Variants in HIVEP3 observed in about 807,000 individuals in gnomAD.
The protein encoded by HIVEP3 is transcription factor HIVEP3.
A neutral mutation model predicts 152.8 loss-of-function variants in HIVEP3; 49 were observed. The ratio of observed to expected loss-of-function variants is 0.32; its 90% CI spans 0.26 to 0.41. The LOEUF (loss-of-function observed/expected upper bound fraction) is 0.41. Ranked by LOEUF, HIVEP3 falls within the 10% of genes least tolerant of loss-of-function variation. The probability of loss-of-function intolerance (pLI) is 1.00; values close to 1 mark genes in which losing one functional copy is unlikely to be tolerated. For synonymous variants in HIVEP3, 1,269 were observed against 1,289.0 expected, an observed-to-expected ratio of 0.98 and a Z score of 0.33; for missense variants, 2,790 against 3,103.3, an observed-to-expected ratio of 0.90 and a Z score of 2.40.
chr1:41,715,760 G>C (rs1646583098), intron 1 of HIVEP3, among the ~76,000 whole-genome samples: 1 of 152,198 alleles, frequency 6.6e-6, no homozygotes, highest in South Asian at 2.1e-4. Context: ...TAGGACTATG[G>C]TTGGGCCTCA....
At position 41,759,936 on chromosome 1, in the gene HIVEP3, T is replaced by A. The variant is rs138745691; in HGVS notation, c.-800-58941A>T. 7.1e-3 allele frequency among the ~76,000 whole-genome samples: 1,079 copies of A among 152,300 alleles called. 6 individuals are homozygous for A. The highest frequency in any genetic ancestry group is 0.023 in the African/African-American group (944 of 41,546). On this transcript the variant is annotated intron_variant, in intron 1 of 8. Transcript: ENST00000372583. ...TATTAGAGTAGTAGGGGGTAAGGGC[T>A]CTACCTGGCCCTATTGTTCAGTGAT...
chr1:42,015,585 G>A (rs183079103), intron 1 of HIVEP3, among the ~76,000 whole-genome samples: 1 of 152,366 alleles, frequency 6.6e-6, no homozygotes, highest in Non-Finnish European at 1.5e-5. Flanking sequence ...CCATTAGGAA[G>A]GGGCTTTAAA....
At chr1:41,938,158 C>A (rs1645028633) in intron 1 of HIVEP3, among the ~76,000 whole-genome samples, 1 of 152,170 alleles carries the variant, frequency 6.6e-6, no homozygotes, top group Non-Finnish European at 1.5e-5. Context: ...CTCCTCAGAG[C>A]TGAGTTTCCT....
At chr1:41,514,284 C>G (rs1642538400) in intron 7 of HIVEP3, among the ~76,000 whole-genome samples, 1 of 152,084 alleles carries the variant, frequency 6.6e-6, no homozygotes, top group Non-Finnish European at 1.5e-5. Context: ...ACCAGGTTTT[C>G]TAGGAGGACT....
At position 41,623,743 on chromosome 1, in the gene HIVEP3, G is replaced by A. The variant is rs112017487; in HGVS notation, c.-522+5006C>T. Among the ~76,000 whole-genome samples, 42 of 152,268 alleles carry A rather than the reference G, an allele frequency of 2.8e-4. 1 individual carries two copies. The highest frequency in any genetic ancestry group is 9.1e-4 in the African/African-American group (38 of 41,550). Reference sequence around the variant, plus strand: ...GGAACCTGACATCCAACCCCACGCCGGTCTCTCACAAACACGGCCCATGCT... The same window carrying A: ...GGAACCTGACATCCAACCCCACGCCAGTCTCTCACAAACACGGCCCATGCT... On this transcript the variant is annotated intron_variant, in intron 3 of 8. Coordinates refer to ENST00000372583, the MANE Select transcript of HIVEP3 (RefSeq NM_024503.5).
chr1:41,933,325 T>A (rs1645004357), intron 1 of HIVEP3, among the ~76,000 whole-genome samples: 1 of 152,116 alleles, frequency 6.6e-6, no homozygotes, highest in Non-Finnish European at 1.5e-5. Context: ...AGCTTTTGCA[T>A]CATGTATTTT....
intron 5 of HIVEP3, among the ~76,000 whole-genome samples, chr1:41,545,273 CA>C (rs1643729026): frequency 1.4e-5 from 2 of 146,054 alleles, no homozygotes; most frequent in African/African-American, 5.1e-5. Flanking sequence ...CTACCACCAC[CA>C]TCACTACCAC....
chr1:41,704,002 C>A (rs968886812), intron 1 of HIVEP3, among the ~76,000 whole-genome samples: 5 of 152,212 alleles, frequency 3.3e-5, no homozygotes, highest in Non-Finnish European at 1.5e-5. Flanking sequence ...CTTGTTCTGT[C>A]ACTCACTAGT....
chr1:41,531,755 G>A (rs1337992470), intron 5 of HIVEP3, among the ~76,000 whole-genome samples: 1 of 70,508 alleles, frequency 1.4e-5, no homozygotes. Context: ...GAGAGATGGA[G>A]GACAGGGGAG....
chr1:41,696,287 C>T (rs991207662), intron 2 of HIVEP3, among the ~76,000 whole-genome samples: 19 of 152,248 alleles, frequency 1.2e-4, no homozygotes, highest in African/African-American at 4.1e-4. Flanking sequence ...AGCAATCTCC[C>T]GTGTGTTTGG....
At chr1:41,526,547 T>C (rs1286683300) in intron 5 of HIVEP3, among the ~76,000 whole-genome samples, 1 of 53,312 alleles carries the variant, frequency 1.9e-5, no homozygotes, top group Non-Finnish European at 3.5e-5. Context: ...ACCCCCACAC[T>C]CACCCTCACC....
intron 1 of HIVEP3, among the ~76,000 whole-genome samples, chr1:42,023,311 A>G (rs138268098): frequency 4.6e-5 from 7 of 152,170 alleles, no homozygotes; most frequent in African/African-American, 9.6e-5. Context: ...CCGGCCATCA[A>G]CCTTTTTTTA....
chr1:41,594,374 C>A (rs537913555), intron 3 of HIVEP3, among the ~76,000 whole-genome samples: 7 of 152,216 alleles, frequency 4.6e-5, no homozygotes, highest in African/African-American at 1.7e-4. Context: ...AGGCGTGCAC[C>A]ACCACACCCA....
chr1:41,661,299 A>C (rs578006712), intron 2 of HIVEP3, among the ~76,000 whole-genome samples: 8 of 152,350 alleles, frequency 5.3e-5, no homozygotes, highest in Non-Finnish European at 1.0e-4. Flanking sequence ...GCCACTATGC[A>C]GAGATCCCTG....
At chr1:41,681,991 T>C (rs775615749) in intron 2 of HIVEP3, among the ~76,000 whole-genome samples, 1 of 152,086 alleles carries the variant, frequency 6.6e-6, no homozygotes, top group African/African-American at 2.4e-5. Flanking sequence ...TATTACATAA[T>C]CAAGGGAGCT....
At chr1:41,800,159 T>C (rs1197966109) in intron 1 of HIVEP3, among the ~76,000 whole-genome samples, 1 of 152,238 alleles carries the variant, frequency 6.6e-6, no homozygotes. Flanking sequence ...AAAGAGGATA[T>C]AGTAAACTAT....
chr1:41,897,564 T>C (rs914179415), intron 1 of HIVEP3, among the ~76,000 whole-genome samples: 9 of 152,110 alleles, frequency 5.9e-5, no homozygotes, highest in African/African-American at 2.2e-4. Context: ...GCCGCCAGAA[T>C]AGTGAGCAGT....
At chr1:41,779,125 C>A (rs1053828827) in intron 1 of HIVEP3, among the ~76,000 whole-genome samples, 7 of 152,222 alleles carry the variant, frequency 4.6e-5, no homozygotes, top group African/African-American at 1.7e-4. Context: ...CAAGATGGTG[C>A]CCACCTGCCT....
chr1:41,674,986 G>T (rs1312131636), intron 2 of HIVEP3, among the ~76,000 whole-genome samples: 2 of 152,086 alleles, frequency 1.3e-5, no homozygotes, highest in African/African-American at 4.8e-5. Flanking sequence ...TTCTTAAAAT[G>T]CTGGCACAGG....
Sources: allele counts gnomAD v4.1 joint callset (sites outside exome capture counted in the v4.1 genomes callset), GRCh38; gene constraint gnomAD v4.1.1; transcripts MANE v1.5; gene names NCBI Gene and HGNC (gene_info 2026-07-23, HGNC 2026-07-21).